Variants in KIRREL3 observed in about 807,000 individuals in gnomAD.
The protein encoded by KIRREL3 is kin of IRRE-like protein 3.
KIRREL3 carries 36 observed loss-of-function variants against 89.7 expected under a neutral mutation model. That is an observed-to-expected ratio of 0.40 (90% CI 0.31 to 0.53). The LOEUF (loss-of-function observed/expected upper bound fraction) is 0.53. Ranked by LOEUF, KIRREL3 falls within the 20% of genes least tolerant of loss-of-function variation. The probability of loss-of-function intolerance (pLI) is 0.49; values close to 1 mark genes in which losing one functional copy is unlikely to be tolerated. For missense variants in KIRREL3, 864 were observed against 1,056.6 expected (o/e 0.82, Z 2.53); for synonymous variants, 445 against 441.4 (o/e 1.01, Z -0.10).
rs1222797091 is a variant in KIRREL3 at position 126,430,205 on chromosome 11, G to A, written c.1697-917C>T. On this transcript the variant is annotated intron_variant, in intron 14 of 16. Coordinates refer to ENST00000525144, the MANE Select transcript of KIRREL3 (RefSeq NM_032531.4). This position sits in a 1 kb window ranked among gnomAD's most constrained non-coding sequence, Gnocchi z 6.6. ...CACGCCTGTAATCCCAGCACATTGG[G>A]AGGCCGAGGAAGGCGGACCACTTGA... Among the ~76,000 whole-genome samples, 1 of 152,096 alleles carries A rather than the reference G, an allele frequency of 6.6e-6. No individual in the cohort carries two copies. Among genetic ancestry groups the A allele is most frequent in the East Asian group, 1.9e-4 (1 of 5,186 alleles).
intron 1 of KIRREL3, among the ~76,000 whole-genome samples, chr11:126,827,680 C>A (rs1177001133): frequency 1.3e-5 from 2 of 152,172 alleles, no homozygotes; most frequent in Non-Finnish European, 2.9e-5. Flanking sequence ...CCCAAAGTGA[C>A]TGCCTTAAAG....
rs1179081993 is a variant in KIRREL3, at chr11:126,876,786, C to T, written c.55+123669G>A. On this transcript the variant is annotated intron_variant, in intron 1 of 16. Transcript: ENST00000525144. The surrounding 1 kb of genome is among the most constrained non-coding windows in gnomAD (Gnocchi z 4.1). ...AACTCATGACCTGATCTGCCCGCCT[C>T]AGCCTCCCGAAGTGCTAGGATTACA... is the stretch of plus-strand genomic sequence containing the variant. Among the ~76,000 whole-genome samples, 1 of 152,170 alleles carries T rather than the reference C, an allele frequency of 6.6e-6. No homozygotes were observed. The highest frequency in any genetic ancestry group is 1.5e-5 in the Non-Finnish European group (1 of 68,026).
rs1031971290 is a variant in KIRREL3, at chr11:126,535,917, G to A, written c.134-9230C>T. Among the ~76,000 whole-genome samples, 5 of 152,306 alleles carry A rather than the reference G, an allele frequency of 3.3e-5. No homozygotes were observed. The highest frequency in any genetic ancestry group is 2.0e-4 in the Admixed American group (3 of 15,306). On this transcript the variant is annotated intron_variant, in intron 2 of 16. Transcript: ENST00000525144. This position sits in a 1 kb window ranked among gnomAD's most constrained non-coding sequence, Gnocchi z 4.5. ...GGAGAATCCATAGAACCTGGGAGGCGGAGGTTGCAGTGAGCCAAGATCGCA... is the reference window on the plus strand; with the variant it reads ...GGAGAATCCATAGAACCTGGGAGGCAGAGGTTGCAGTGAGCCAAGATCGCA...
Position 126,525,712 on chromosome 11 carries a change from G to A in KIRREL3, c.283+826C>T, listed in dbSNP as rs1958729014. Among the ~76,000 whole-genome samples, 1 of 152,116 alleles carries A rather than the reference G, an allele frequency of 6.6e-6. No individual in the cohort carries two copies. On this transcript the variant is annotated intron_variant, in intron 3 of 16. Transcript: ENST00000525144. This position sits in a 1 kb window ranked among gnomAD's most constrained non-coding sequence, Gnocchi z 5.4. ...ATGACACCCAGAGGTCCCTGCTTGT[G>A]AATTTTACTGTGTACGCCAAGCCTA... is the stretch of plus-strand genomic sequence containing the variant.
At chr11:126,798,019 G>C (rs567437632) in intron 1 of KIRREL3, among the ~76,000 whole-genome samples, 84 of 152,264 alleles carry the variant, frequency 5.5e-4, no homozygotes, top group African/African-American at 1.9e-3. Context: ...CTTGGGGCCA[G>C]GTGGATTTCT....
rs1003018326 is a variant in KIRREL3, at chr11:126,525,554, C to T, written c.283+984G>A. The stretch of plus-strand genomic sequence containing the variant: ...CATTTAAAAATATTAATTTCCCAAC[C>T]ATCATGTTCCTGAGTGCACTTCGAT... On this transcript the variant is annotated intron_variant, in intron 3 of 16. Transcript: ENST00000525144. This position sits in a 1 kb window ranked among gnomAD's most constrained non-coding sequence, Gnocchi z 5.4. Among the ~76,000 whole-genome samples, 1 of 152,182 alleles carries T rather than the reference C, an allele frequency of 6.6e-6. No homozygotes were observed. The highest frequency in any genetic ancestry group is 1.5e-5 in the Non-Finnish European group (1 of 68,036).
At chr11:126,534,039 A>G (rs1473699022) in intron 2 of KIRREL3, among the ~76,000 whole-genome samples, 2 of 151,924 alleles carry the variant, frequency 1.3e-5, no homozygotes, top group African/African-American at 2.4e-5. Context: ...ATTACTATCC[A>G]ATGACTTATT....
At chr11:126,794,775 G>A (rs139799909) in intron 1 of KIRREL3, among the ~76,000 whole-genome samples, 232 of 152,248 alleles carry the variant, frequency 1.5e-3, no homozygotes, top group African/African-American at 5.2e-3. Context: ...TAAAACTTAC[G>A]TCCACCTAAA....
rs1455813084 is a variant in KIRREL3 at position 126,879,799 on chromosome 11, A to G, written c.55+120656T>C. ...GGTAAAGGACATCTCAAGGAGCTCA[A>G]CTGGTCTTATGACCCTGAACCTTCT... On this transcript the variant is annotated intron_variant, in intron 1 of 16. Coordinates refer to ENST00000525144, the MANE Select transcript of KIRREL3 (RefSeq NM_032531.4). This position sits in a 1 kb window ranked among gnomAD's most constrained non-coding sequence, Gnocchi z 5.4. Among the ~76,000 whole-genome samples, 2 of 152,206 alleles carry G rather than the reference A, an allele frequency of 1.3e-5. No homozygotes were observed. Among genetic ancestry groups the G allele is most frequent in the South Asian group, 2.1e-4 (1 of 4,834 alleles).
At chr11:126,483,642 A>G (rs1001964904) in intron 4 of KIRREL3, among the ~76,000 whole-genome samples, 2 of 152,142 alleles carry the variant, frequency 1.3e-5, no homozygotes, top group African/African-American at 2.4e-5. Flanking sequence ...ACAAAAATCA[A>G]TTCCTCATCA....
intron 1 of KIRREL3, among the ~76,000 whole-genome samples, chr11:126,637,481 C>G (rs1458965986): frequency 6.6e-6 from 1 of 152,228 alleles, no homozygotes; most frequent in Non-Finnish European, 1.5e-5. Context: ...CCTCCAGCCT[C>G]CTGCTCAAGC....
chr11:126,961,041 T>C (rs1434512301), intron 1 of KIRREL3, among the ~76,000 whole-genome samples: 2 of 152,320 alleles, frequency 1.3e-5, no homozygotes, highest in Non-Finnish European at 2.9e-5. Context: ...GCTTAATCAA[T>C]GAGTGTGGTG....
Position 126,455,635 on chromosome 11 carries a change from A to C in KIRREL3, c.848+714T>G, listed in dbSNP as rs1956310769. On this transcript the variant is annotated intron_variant, in intron 7 of 16. Coordinates refer to ENST00000525144, the MANE Select transcript of KIRREL3 (RefSeq NM_032531.4). The surrounding 1 kb of genome is among the most constrained non-coding windows in gnomAD (Gnocchi z 6.4). ...AACGCTGTCTCTACTAAAAATACAA[A>C]AAAAAAAAAAAATTAGCTGGCGTGG... 9.4e-6 allele frequency among the ~76,000 whole-genome samples: 1 copy of C among 105,962 alleles called. No homozygotes were observed. Among genetic ancestry groups the C allele is most frequent in the Admixed American group, 8.7e-5 (1 of 11,512 alleles). 69.5% of individuals were successfully genotyped at this position (105,962 alleles called of 152,430 possible).
At chr11:126,691,080 T>C (rs1946861420) in intron 1 of KIRREL3, among the ~76,000 whole-genome samples, 1 of 152,194 alleles carries the variant, frequency 6.6e-6, no homozygotes, top group African/African-American at 2.4e-5. Context: ...GAAATGCATA[T>C]CAAGGGCACA....
rs1941358974 is a variant in KIRREL3 at position 126,578,228 on chromosome 11, T to C, written c.56-15316A>G. On this transcript the variant is annotated intron_variant, in intron 1 of 16. Coordinates refer to ENST00000525144, the MANE Select transcript of KIRREL3 (RefSeq NM_032531.4). This position sits in a 1 kb window ranked among gnomAD's most constrained non-coding sequence, Gnocchi z 4.9. ...CAAAATAAACAACCCTTAGGATGTT[T>C]CGGTCCTGGGATGCTTGCAGCCCAG... 2.0e-5 allele frequency among the ~76,000 whole-genome samples: 3 copies of C among 152,118 alleles called. No homozygotes were observed. The highest frequency in any genetic ancestry group is 7.2e-5 in the African/African-American group (3 of 41,394).
intron 1 of KIRREL3, among the ~76,000 whole-genome samples, chr11:126,665,305 G>A (rs61899058): frequency 0.042 from 6,351 of 152,252 alleles, 181 homozygotes; most frequent in Non-Finnish European, 0.058. Context: ...CAGCTCTGAG[G>A]GGAAAAATTC....
intron 1 of KIRREL3, among the ~76,000 whole-genome samples, chr11:126,939,930 T>C (rs1934625893): frequency 6.6e-6 from 1 of 152,142 alleles, no homozygotes; most frequent in African/African-American, 2.4e-5. Context: ...GGGACAATCA[T>C]TAGGAGAAAC....
rs116771432 is a variant in KIRREL3 at position 126,951,208 on chromosome 11, G to A, written c.55+49247C>T. 6.5e-3 allele frequency among the ~76,000 whole-genome samples: 987 copies of A among 152,290 alleles called. 7 individuals carry two copies. Among genetic ancestry groups the A allele is most frequent in the African/African-American group, 0.022 (922 of 41,560 alleles). On this transcript the variant is annotated intron_variant, in intron 1 of 16. Coordinates refer to ENST00000525144, the MANE Select transcript of KIRREL3 (RefSeq NM_032531.4). Reference sequence around the variant, plus strand: ...GGATAGCTTCAGAAAAGAGGAGCCTGCACCTTTTGCTTTAAGACAAAACAG... The same window carrying A: ...GGATAGCTTCAGAAAAGAGGAGCCTACACCTTTTGCTTTAAGACAAAACAG...
rs1949352895 is a variant in KIRREL3, at chr11:126,752,063, G to C, written c.56-189151C>G. 6.6e-6 allele frequency among the ~76,000 whole-genome samples: 1 copy of C among 152,162 alleles called. No homozygotes were observed. Among genetic ancestry groups the C allele is most frequent in the Non-Finnish European group, 1.5e-5 (1 of 68,020 alleles). On this transcript the variant is annotated intron_variant, in intron 1 of 16. Transcript: ENST00000525144. The surrounding 1 kb of genome is among the most constrained non-coding windows in gnomAD (Gnocchi z 4.8). Reference sequence around the variant, plus strand: ...TCAAATTCCAGCTCTGCCTTGGTGTGTGACTTCAACTGAGTTGCTTCATCT... The same window carrying C: ...TCAAATTCCAGCTCTGCCTTGGTGTCTGACTTCAACTGAGTTGCTTCATCT...
Sources: allele counts gnomAD v4.1 joint callset (sites outside exome capture counted in the v4.1 genomes callset), GRCh38; gene constraint gnomAD v4.1.1; non-coding constraint Gnocchi (gnomAD v3.1); transcripts MANE v1.5; gene names NCBI Gene and HGNC (gene_info 2026-07-23, HGNC 2026-07-21).